PPARGC1A: variants seen among roughly 807,000 people sequenced by gnomAD.
The protein encoded by PPARGC1A is PPARG coactivator 1 alpha.
In PPARGC1A, 25 loss-of-function variants were observed where a neutral mutation model predicts 88.7. That is an observed-to-expected ratio of 0.28 (90% CI 0.21 to 0.39). The LOEUF is 0.39. Ranked by LOEUF, PPARGC1A falls within the 10% of genes least tolerant of loss-of-function variation. PPARGC1A has a pLI of 1.00. For synonymous variants in PPARGC1A, 363 were observed against 355.6 expected (o/e 1.02, Z -0.24); for missense variants, 880 against 968.7 (o/e 0.91, Z 1.22).
chr4:23,997,771 C>T, the PPARGC1A span, among the ~76,000 whole-genome samples: 12 of 152,028 alleles, frequency 7.9e-5, no homozygotes, highest in Admixed American at 3.9e-4. Flanking sequence ...GGATTACAGG[C>T]GTGAGCCACC....
chr4:24,109,175 T>A, the PPARGC1A span, among the ~76,000 whole-genome samples: 1 of 151,994 alleles, frequency 6.6e-6, no homozygotes, highest in Non-Finnish European at 1.5e-5. Flanking sequence ...TAATAATTAA[T>A]TATTAAAATA....
At chr4:24,068,602 T>C in the PPARGC1A span, among the ~76,000 whole-genome samples, 1 of 152,176 alleles carries the variant, frequency 6.6e-6, no homozygotes, top group South Asian at 2.1e-4. Context: ...TGTGTGTGTA[T>C]ATGTGTGCAC....
At chr4:24,081,028 G>C in the PPARGC1A span, among the ~76,000 whole-genome samples, 16 of 152,066 alleles carry the variant, frequency 1.1e-4, no homozygotes, top group Admixed American at 1.0e-3. Flanking sequence ...TAGACATGAA[G>C]AGAACATTGA....
At chr4:24,377,731 T>C in the PPARGC1A span, among the ~76,000 whole-genome samples, 2 of 152,172 alleles carry the variant, frequency 1.3e-5, no homozygotes, top group African/African-American at 4.8e-5. Flanking sequence ...AATAGGTATG[T>C]AATAAGTGGG....
chr4:23,797,268 C>A (rs1717778811), intron 12 of PPARGC1A, among the ~76,000 whole-genome samples: 2 of 152,084 alleles, frequency 1.3e-5, no homozygotes. Context: ...GGCTTCAACG[C>A]TTCTCTTCAT....
At chr4:23,900,227 G>A (rs1206679955), upstream of PPARGC1A, among the ~76,000 whole-genome samples, 1 of 152,164 alleles carries the variant, frequency 6.6e-6, no homozygotes, top group African/African-American at 2.4e-5. Flanking sequence ...TCTTGAATAA[G>A]TGAAGTGAAG....
the PPARGC1A span, among the ~76,000 whole-genome samples, chr4:23,921,611 G>A: frequency 6.6e-6 from 1 of 152,204 alleles, no homozygotes; most frequent in Non-Finnish European, 1.5e-5. Context: ...ACACCCCACA[G>A]GCAGGTGGGA....
chr4:24,149,188 A>G, the PPARGC1A span, among the ~76,000 whole-genome samples: 2 of 152,274 alleles, frequency 1.3e-5, no homozygotes, highest in East Asian at 3.9e-4. Context: ...CTGATAAAGA[A>G]TTTTCTATAT....
At chr4:23,971,624 T>C in the PPARGC1A span, among the ~76,000 whole-genome samples, 1 of 152,156 alleles carries the variant, frequency 6.6e-6, no homozygotes, top group Non-Finnish European at 1.5e-5. Context: ...GTCTAACCTG[T>C]TCACATTTTT....
chr4:23,982,639 C>A, the PPARGC1A span, among the ~76,000 whole-genome samples: 7 of 152,074 alleles, frequency 4.6e-5, no homozygotes, highest in Admixed American at 3.9e-4. Flanking sequence ...TTCTCAACAG[C>A]CTACAAATAA....
intron 7 of PPARGC1A, among the ~76,000 whole-genome samples, chr4:23,815,307 A>AT (rs1169380802): frequency 6.6e-6 from 1 of 152,128 alleles, no homozygotes; most frequent in Non-Finnish European, 1.5e-5. Flanking sequence ...ACCATGGCTA[A>AT]TGTAGGTATA....
the PPARGC1A span, among the ~76,000 whole-genome samples, chr4:24,327,688 G>A: frequency 7.9e-5 from 12 of 151,462 alleles, no homozygotes; most frequent in Non-Finnish European, 1.8e-4. Flanking sequence ...TTCCCATACC[G>A]CCCCTAATCC....
At chr4:23,981,741 T>C in the PPARGC1A span, among the ~76,000 whole-genome samples, 1 of 152,210 alleles carries the variant, frequency 6.6e-6, no homozygotes, top group Non-Finnish European at 1.5e-5. Context: ...AAATTACTAT[T>C]ATTCTCTGTG....
the PPARGC1A span, among the ~76,000 whole-genome samples, chr4:24,300,734 G>A: frequency 1.3e-5 from 2 of 151,968 alleles, no homozygotes; most frequent in Non-Finnish European, 2.9e-5. Flanking sequence ...ACATTTTGTA[G>A]CTTCCCTTGC....
At chr4:23,865,360 G>A (rs1158523888) in intron 2 of PPARGC1A, among the ~76,000 whole-genome samples, 1 of 152,188 alleles carries the variant, frequency 6.6e-6, no homozygotes, top group African/African-American at 2.4e-5. Context: ...GGAAATCTGA[G>A]TTCTGGTTAA....
At chr4:24,063,089 T>C in the PPARGC1A span, among the ~76,000 whole-genome samples, 2 of 152,174 alleles carry the variant, frequency 1.3e-5, no homozygotes, top group Admixed American at 1.3e-4. Context: ...TTTTGTTGTC[T>C]TTCTGTGGCA....
chr4:23,833,978 A>C (rs1725534378), intron 2 of PPARGC1A, among the ~76,000 whole-genome samples: 1 of 152,114 alleles, frequency 6.6e-6, no homozygotes, highest in Admixed American at 6.5e-5. Context: ...CAGCCTGGCC[A>C]ATGTGGTGAA....
chr4:23,883,905 T>A (rs1716420040), intron 2 of PPARGC1A: 1 of 152,160 alleles, frequency 6.6e-6, no homozygotes, highest in South Asian at 2.1e-4. Context: ...ACATAGTAGG[T>A]GCTCAGAAAA....
At chr4:24,243,391 A>G in the PPARGC1A span, among the ~76,000 whole-genome samples, 4 of 152,324 alleles carry the variant, frequency 2.6e-5, no homozygotes, top group East Asian at 7.7e-4. Context: ...AAATCATCTA[A>G]GGAGAAGACA....
Sources: gnomAD v4.1 joint callset for allele counts (sites outside exome capture counted in the v4.1 genomes callset) on GRCh38, gnomAD v4.1.1 for gene constraint, MANE v1.5 for transcripts, NCBI Gene and HGNC (gene_info 2026-07-23, HGNC 2026-07-21) for gene names.